Variants in MCU observed in about 807,000 individuals in gnomAD.
MCU encodes calcium uniporter protein, mitochondrial.
In MCU, 12 loss-of-function variants were observed where a neutral mutation model predicts 45.2. That is an observed-to-expected ratio of 0.27 (90% confidence interval 0.17 to 0.43). The LOEUF (loss-of-function observed/expected upper bound fraction) is 0.43. MCU is among the 20% of genes least tolerant of loss of function. The probability of loss-of-function intolerance (pLI) is 1.00; values close to 1 mark genes in which losing one functional copy is unlikely to be tolerated. For synonymous variants in MCU, 160 were observed against 165.1 expected, an observed-to-expected ratio of 0.97 and a Z score of 0.24; for missense variants, 324 against 436.7, an observed-to-expected ratio of 0.74 and a Z score of 2.30.
chr10:72,819,803 G>T (rs1173145780), intron 1 of MCU, among the ~76,000 whole-genome samples: 1 of 135,540 alleles, frequency 7.4e-6, no homozygotes, highest in African/African-American at 2.8e-5. Context: ...TTCATAATGT[G>T]CCTCCTATGG....
chr10:72,836,090 CTGCAGG>C (rs1844951984), intron 2 of MCU, among the ~76,000 whole-genome samples: 1 of 151,958 alleles, frequency 6.6e-6, no homozygotes, highest in Non-Finnish European at 1.5e-5. Flanking sequence ...TCCATTACCA[CTGCAGG>C]GTGCCATCAT....
At chr10:72,747,779 T>C (rs1282503536) in intron 1 of MCU, among the ~76,000 whole-genome samples, 1 of 152,062 alleles carries the variant, frequency 6.6e-6, no homozygotes, top group Non-Finnish European at 1.5e-5. Context: ...GCAGCTGCAG[T>C]GAGCCATGAT....
At chr10:72,877,345 T>C (rs1381173755) in intron 6 of MCU, among the ~76,000 whole-genome samples, 3 of 152,154 alleles carry the variant, frequency 2.0e-5, no homozygotes, top group African/African-American at 7.2e-5. Context: ...TAAGCAAACA[T>C]AGGTGAATAG....
At chr10:72,723,752 T>A (rs1029389333) in intron 1 of MCU, among the ~76,000 whole-genome samples, 1 of 152,106 alleles carries the variant, frequency 6.6e-6, no homozygotes, top group Non-Finnish European at 1.5e-5. Context: ...ATATATATAT[T>A]TTTTGGTAGC....
At chr10:72,793,972 A>G (rs573318212) in intron 1 of MCU, among the ~76,000 whole-genome samples, 6 of 152,186 alleles carry the variant, frequency 3.9e-5, no homozygotes, top group African/African-American at 7.2e-5. Flanking sequence ...AAACATTCAC[A>G]TCCCTCACAT....
intron 2 of MCU, among the ~76,000 whole-genome samples, chr10:72,850,337 A>G (rs893941194): frequency 2.0e-5 from 3 of 152,184 alleles, no homozygotes; most frequent in Non-Finnish European, 4.4e-5. Flanking sequence ...CAATGTTAAG[A>G]TCATAAGCCC....
intron 1 of MCU, among the ~76,000 whole-genome samples, chr10:72,729,223 G>C (rs185868426): frequency 8.5e-5 from 13 of 152,282 alleles, no homozygotes; most frequent in Non-Finnish European, 1.0e-4. Context: ...CCAGCACTTT[G>C]GGAAGCCAAG....
At chr10:72,695,166 C>T (rs948695370) in intron 1 of MCU, among the ~76,000 whole-genome samples, 1 of 152,196 alleles carries the variant, frequency 6.6e-6, no homozygotes, top group Non-Finnish European at 1.5e-5. Flanking sequence ...ACTATTTCGT[C>T]TCTGATTATG....
chr10:72,843,431 C>T (rs1291324339), intron 2 of MCU, among the ~76,000 whole-genome samples: 2 of 152,158 alleles, frequency 1.3e-5, no homozygotes, highest in Admixed American at 1.3e-4. Context: ...TGATTGACAT[C>T]TTTCACTTAG....
intron 6 of MCU, 51 bp downstream of exon 6, chr10:72,871,631 T>C: frequency 6.7e-7 from 1 of 1,498,100 alleles, no homozygotes; most frequent in Non-Finnish European, 9.3e-7. Context: ...AAAGTTTTGA[T>C]TGTCAAAAGA....
chr10:72,707,030 A>T (rs1842830837), intron 1 of MCU, among the ~76,000 whole-genome samples: 1 of 149,308 alleles, frequency 6.7e-6, no homozygotes. Flanking sequence ...GGGTTTCACC[A>T]TGTTGGCCAG....
At chr10:72,734,210 C>T (rs944863893) in intron 1 of MCU, among the ~76,000 whole-genome samples, 1 of 152,090 alleles carries the variant, frequency 6.6e-6, no homozygotes, top group African/African-American at 2.4e-5. Context: ...TGAGCCACTG[C>T]ACTCCTGCCT....
At chr10:72,752,813 T>C (rs1181602224) in intron 1 of MCU, among the ~76,000 whole-genome samples, 1 of 152,216 alleles carries the variant, frequency 6.6e-6, no homozygotes, top group Non-Finnish European at 1.5e-5. Context: ...AAGCTTTAAA[T>C]ATCCCAAACA....
At chr10:72,850,384 A>G (rs1845190267) in intron 2 of MCU, among the ~76,000 whole-genome samples, 1 of 152,200 alleles carries the variant, frequency 6.6e-6, no homozygotes, top group African/African-American at 2.4e-5. Flanking sequence ...TACTCCAAGT[A>G]GCTTTGCGGA....
intron 4 of MCU, among the ~76,000 whole-genome samples, chr10:72,865,969 G>A (rs892166922): frequency 1.6e-4 from 24 of 151,214 alleles, no homozygotes; most frequent in Non-Finnish European, 2.8e-4. Context: ...AGTAGAGACG[G>A]GGTTTCACCA....
chr10:72,868,679 T>TA (rs1564579586), intron 4 of MCU, 24 bp from the exon 5 acceptor site: 22 of 1,609,694 alleles, frequency 1.4e-5, no homozygotes, highest in Non-Finnish European at 1.9e-5. Context: ...ATACATTTTT[T>TA]AAAAAATGTA....
intron 2 of MCU, among the ~76,000 whole-genome samples, chr10:72,838,060 A>G (rs1342884646): frequency 1.3e-5 from 2 of 150,966 alleles, no homozygotes; most frequent in Non-Finnish European, 3.0e-5. Context: ...ACGGGGTTTC[A>G]CTGTGTTGGC....
At chr10:72,885,309 C>T (rs1470452274) in intron 7 of MCU, among the ~76,000 whole-genome samples, 4 of 152,204 alleles carry the variant, frequency 2.6e-5, no homozygotes, top group African/African-American at 4.8e-5. Context: ...TGACTACACA[C>T]GCTGTTCCAA....
intron 4 of MCU, 103 bp downstream of exon 4, chr10:72,860,630 A>T: frequency 1.2e-6 from 1 of 842,290 alleles, no homozygotes; most frequent in Non-Finnish European, 1.9e-6. Flanking sequence ...ACAGTATTCA[A>T]AGAACACTGA....
Sources: gnomAD v4.1 joint callset for allele counts (sites outside exome capture counted in the v4.1 genomes callset) on GRCh38, gnomAD v4.1.1 for gene constraint, MANE v1.5 for transcripts, NCBI Gene and HGNC (gene_info 2026-07-23, HGNC 2026-07-21) for gene names.